DLAT: variants seen among roughly 807,000 people sequenced by gnomAD.
DLAT encodes dihydrolipoyllysine-residue acetyltransferase component of pyruvate dehydrogenase complex, mitochondrial.
DLAT carries 43 observed loss-of-function variants against 68.0 expected under a neutral mutation model. The observed-to-expected ratio is 0.63, with a 90% CI of 0.50 to 0.81. The LOEUF (loss-of-function observed/expected upper bound fraction) is 0.81, where lower values mean the gene tolerates loss of function less well. DLAT is among the 40% of genes least tolerant of loss of function. DLAT has a pLI of 0.00. For synonymous variants in DLAT, 265 were observed against 288.6 expected (o/e 0.92, Z 0.83); for missense variants, 745 against 815.4 (o/e 0.91, Z 1.05).
Position 112,064,083 on chromosome 11 carries a change from G to T in DLAT, c.*1548G>T. Reference sequence around the variant, plus strand: ...CATTAATTTGATTTTTCAGTAATTAGTAATTTTAGGTTGAAGATTATCCAA... The same window carrying T: ...CATTAATTTGATTTTTCAGTAATTATTAATTTTAGGTTGAAGATTATCCAA... On this transcript the variant is annotated 3_prime_UTR_variant, in exon 14 of 14. Coordinates refer to ENST00000280346, the MANE Select transcript of DLAT (RefSeq NM_001931.5). The T allele has an allele frequency of 1.7e-6, 2 of 1,145,000 alleles. No homozygotes were observed. Among genetic ancestry groups the T allele is most frequent in the Non-Finnish European group, 2.4e-6 (2 of 822,970 alleles). 70.9% of individuals were successfully genotyped at this position (1,145,000 alleles called of 1,614,324 possible).
chr11:112,055,848 CTTTTTTTTTTTTTTTTTTTTTTT>C (rs71060212), intron 11 of DLAT, among the ~76,000 whole-genome samples: 40 of 31,990 alleles, frequency 1.3e-3, no homozygotes, highest in South Asian at 4.1e-3. Context: ...CATATAGACA[CTTTTTTTTTTTTTTTTTTTTTTT>C]TTTTTTTTTT....
At chr11:112,048,505 T>C (rs587747705) in intron 10 of DLAT, among the ~76,000 whole-genome samples, 1 of 152,326 alleles carries the variant, frequency 6.6e-6, no homozygotes, top group South Asian at 2.1e-4. Context: ...AATACTATGC[T>C]GAATAGGAGT....
At chr11:112,028,740 T>C (rs1862227894) in intron 3 of DLAT, 52 bp from the exon 4 acceptor site, 1 of 1,614,094 alleles carries the variant, frequency 6.2e-7, no homozygotes, top group Non-Finnish European at 8.5e-7. Context: ...AAGACTACTT[T>C]TGTGAAAGCT....
At chr11:112,055,635 C>T (rs1863982640) in intron 11 of DLAT, among the ~76,000 whole-genome samples, 1 of 152,056 alleles carries the variant, frequency 6.6e-6, no homozygotes, top group South Asian at 2.1e-4. Context: ...TTTCAGTTCT[C>T]TCCTTCTAGG....
At chr11:112,026,505 G>A (rs1862024138) in intron 2 of DLAT, among the ~76,000 whole-genome samples, 1 of 151,954 alleles carries the variant, frequency 6.6e-6, no homozygotes, top group Admixed American at 6.6e-5. Context: ...GGGTACTTGA[G>A]ATTAGGGAGT....
rs1555183208 is a variant in DLAT, at chr11:112,061,067, A to C, written c.1707A>C (p.Gly569=). 16 of 1,610,160 alleles carry C rather than the reference A, an allele frequency of 9.9e-6. No individual in the cohort carries two copies. In the East Asian group the frequency reaches 3.1e-4, roughly 32 times the overall value. The change falls in exon 13 of 14, where the codon GGA becomes GGC. Residue 569 remains glycine, a synonymous_variant. Coordinates refer to ENST00000280346, the MANE Select transcript of DLAT (RefSeq NM_001931.5). ...QGGTFTISNL[G]MFGIKNFSAI... is the part of the protein sequence containing the mutation. ...GCACTTTTACGATCTCCAATTTAGGAATGTTTGGAATTAAGAATTTCTCTG... is the reference window on the plus strand; with the variant it reads ...GCACTTTTACGATCTCCAATTTAGGCATGTTTGGAATTAAGAATTTCTCTG...
In DLAT at chr11:112,045,248, A is replaced by G; in HGVS notation, c.1290+18A>G. 3.2e-6 allele frequency: 5 copies of G among 1,582,280 alleles called. No homozygotes were observed. Among genetic ancestry groups the G allele is most frequent in the Non-Finnish European group, 4.3e-6 (5 of 1,159,240 alleles). On this transcript the variant is annotated intron_variant, in intron 9 of 13. Transcript: ENST00000280346. ...TTCGTCGGGTAAGAGAATTACCATC[A>G]TCTGGAATCAGCTGTTAGGGGCATC...
At chr11:112,029,248 T>C (rs1174212910) in intron 4 of DLAT, among the ~76,000 whole-genome samples, 1 of 152,264 alleles carries the variant, frequency 6.6e-6, no homozygotes, top group Admixed American at 6.5e-5. Context: ...CTAACATCTA[T>C]TCCCTGTATA....
At position 112,051,147 on chromosome 11, in the gene DLAT, C is replaced by T. The variant is rs1555181930; in HGVS notation, c.1399-87C>T. The T allele has an allele frequency of 1.1e-6, 1 of 908,452 alleles. No individual in the cohort carries two copies. Among genetic ancestry groups the T allele is most frequent in the East Asian group, 2.6e-5 (1 of 38,658 alleles). The allele number at this position is 908,452 out of a possible 1,614,324, so 56.3% of individuals were successfully genotyped here. ...GGCACATGTTTACCTATATAATAAA[C>T]CTGGACATTCTGCACATGCACCCTG... On this transcript the variant is annotated intron_variant, in intron 10 of 13. Transcript: ENST00000280346. The surrounding 1 kb of genome is among the most constrained non-coding windows in gnomAD (Gnocchi z 4.3).
At chr11:112,035,549 C>T (rs1288345656) in intron 5 of DLAT, among the ~76,000 whole-genome samples, 2 of 150,152 alleles carry the variant, frequency 1.3e-5, no homozygotes, top group African/African-American at 2.5e-5. Flanking sequence ...AGTGCGGTGG[C>T]GTGATCTCGG....
chr11:112,048,580 C>T (rs1241568795), intron 10 of DLAT, among the ~76,000 whole-genome samples: 2 of 152,240 alleles, frequency 1.3e-5, no homozygotes, highest in African/African-American at 4.8e-5. Flanking sequence ...GTTGCCCAGA[C>T]TGGGGTGCAG....
rs587724011 is a variant in DLAT, at chr11:112,045,922, C to A, written c.1350C>A (p.Ile450=). Residue 450 remains isoleucine (I), a synonymous_variant, in exon 10 of 14, where the codon ATC becomes ATA. Coordinates refer to ENST00000280346, the MANE Select transcript of DLAT (RefSeq NM_001931.5). ...KQTIPHYYLS[I]DVNMGEVLLV... is the part of the protein sequence containing the mutation. ...CCATACCTCATTATTACCTTTCTAT[C>A]GATGTAAATATGGGAGAAGTTTTGT... 1.2e-6 allele frequency: 2 copies of A among 1,611,944 alleles called. No homozygotes were observed. The highest frequency in any genetic ancestry group is 2.2e-5 in the East Asian group (1 of 44,822).
rs148561787 is a variant in DLAT at position 112,028,420 on chromosome 11, CAA to C, written c.382-71_382-70del. 0.24 allele frequency: 191,790 copies of C among 783,636 alleles called. 2,515 individuals are homozygous for C. Among genetic ancestry groups the C allele is most frequent in the East Asian group, 0.3 (8,422 of 28,542 alleles). 48.5% of individuals were successfully genotyped at this position (783,636 alleles called of 1,614,324 possible). Reference sequence around the variant, plus strand: ...GGTGACAGAATGAGACTCTGTGTCTCAAAAAAAAAAAAAAAAAAAAAAAAATT... The same window carrying C: ...GGTGACAGAATGAGACTCTGTGTCTCAAAAAAAAAAAAAAAAAAAAAAATT... On this transcript the variant is annotated intron_variant, in intron 2 of 13. Transcript: ENST00000280346.
chr11:112,029,943 C>G (rs1862305023), intron 4 of DLAT: 15 of 872,960 alleles, frequency 1.7e-5, no homozygotes, highest in Non-Finnish European at 2.8e-5. Context: ...AGTGATTTTT[C>G]CAAACATTAC....
intron 11 of DLAT, among the ~76,000 whole-genome samples, chr11:112,054,933 T>C (rs1863913996): frequency 6.6e-6 from 1 of 152,196 alleles, no homozygotes; most frequent in Admixed American, 6.5e-5. Context: ...CTGTATTTTC[T>C]CTTCTCTTAA....
intron 4 of DLAT, among the ~76,000 whole-genome samples, chr11:112,032,927 T>C (rs1555180080): frequency 3.9e-5 from 6 of 152,174 alleles, no homozygotes; most frequent in Non-Finnish European, 1.5e-5. Context: ...TTAGTGGGCA[T>C]GATGGCACCC....
chr11:112,064,227 A>C lies in DLAT; in HGVS notation c.*1692A>C. On this transcript the variant is annotated 3_prime_UTR_variant, in exon 14 of 14. Coordinates refer to ENST00000280346, the MANE Select transcript of DLAT (RefSeq NM_001931.5). ...GCTTGTGGTTCTGTTGTTCCCTTGAAAAAAAATAAAAACAGTTGCCTTCTA... is the reference window on the plus strand; with the variant it reads ...GCTTGTGGTTCTGTTGTTCCCTTGACAAAAAATAAAAACAGTTGCCTTCTA... 1 of 1,555,234 alleles carries C rather than the reference A, an allele frequency of 6.4e-7. No individual in the cohort carries two copies. The highest frequency in any genetic ancestry group is 8.7e-7 in the Non-Finnish European group (1 of 1,153,052).
At chr11:112,056,303 C>A (rs1555182597) in intron 11 of DLAT, among the ~76,000 whole-genome samples, 3 of 152,270 alleles carry the variant, frequency 2.0e-5, no homozygotes, top group Admixed American at 1.3e-4. Context: ...TAGAAATTTT[C>A]ATCACCCCCA....
rs1555180610 is a variant in DLAT at position 112,037,406 on chromosome 11, G to A, written c.921G>A (p.Arg307=). Residue 307 remains arginine, a synonymous_variant, in exon 6 of 14, where the codon AGG becomes AGA. Coordinates refer to ENST00000280346, the MANE Select transcript of DLAT (RefSeq NM_001931.5). ...ATATATCAGCATTTGCTGACTATAG[G>A]CCAACCGAAGTAACAGATTTAAAAC... ...EADISAFADY[R]PTEVTDLKPQ... 1.2e-6 allele frequency: 2 copies of A among 1,614,168 alleles called. No individual in the cohort carries two copies. The highest frequency in any genetic ancestry group is 1.7e-5 in the Admixed American group (1 of 60,020).
Sources: allele counts gnomAD v4.1 joint callset (sites outside exome capture counted in the v4.1 genomes callset), GRCh38; gene constraint gnomAD v4.1.1; non-coding constraint Gnocchi (gnomAD v3.1); transcripts MANE v1.5; gene names NCBI Gene and HGNC (gene_info 2026-07-23, HGNC 2026-07-21).